Variants in TCAIM observed in about 807,000 individuals in gnomAD.
TCAIM encodes the protein T cell activation inhibitor, mitochondrial.
A neutral mutation model predicts 58.6 loss-of-function variants in TCAIM; 36 were observed. That is an observed-to-expected ratio of 0.61 (90% confidence interval 0.47 to 0.81). TCAIM has a LOEUF of 0.81. Ranked by LOEUF, TCAIM falls within the 30% of genes least tolerant of loss-of-function variation. The pLI, the probability that TCAIM is intolerant of heterozygous loss-of-function variation, is 0.00. For synonymous variants in TCAIM, 172 were observed against 193.6 expected (o/e 0.89, Z 0.93); for missense variants, 466 against 579.6 (o/e 0.80, Z 2.01).
intron 6 of TCAIM, among the ~76,000 whole-genome samples, chr3:44,394,680 G>A (rs932433161): frequency 5.3e-5 from 8 of 151,096 alleles, no homozygotes; most frequent in Non-Finnish European, 1.0e-4. Flanking sequence ...CAGATCACGA[G>A]GTCAGGAGTT....
chr3:44,345,595 A>G (rs1700950246), intron 1 of TCAIM, among the ~76,000 whole-genome samples: 1 of 152,150 alleles, frequency 6.6e-6, no homozygotes, highest in Admixed American at 6.5e-5. Context: ...ATACAAAGCC[A>G]GCAATTGTTT....
At chr3:44,344,671 C>T (rs530832498) in intron 1 of TCAIM, among the ~76,000 whole-genome samples, 14 of 152,100 alleles carry the variant, frequency 9.2e-5, no homozygotes, top group African/African-American at 2.9e-4. Context: ...CACACGCGTC[C>T]GTGTGAAGAG....
chr3:44,354,842 A>G, intron 2 of TCAIM, 31 bp downstream of exon 2: 14 of 1,603,272 alleles, frequency 8.7e-6, no homozygotes, highest in Non-Finnish European at 1.0e-5. Context: ...TGTAATTAGT[A>G]TTGTGGCGGG....
chr3:44,392,185 A>T (rs1302477420), intron 5 of TCAIM, among the ~76,000 whole-genome samples: 1 of 152,230 alleles, frequency 6.6e-6, no homozygotes, highest in Non-Finnish European at 1.5e-5. Flanking sequence ...ATGATTTGAC[A>T]GGTGTTGGCA....
At chr3:44,339,909 G>T (rs767042776) in intron 1 of TCAIM, 15 of 152,096 alleles carry the variant, frequency 9.9e-5, no homozygotes, top group African/African-American at 2.7e-4. Context: ...AATGCTTTAC[G>T]CAGGACCTGG....
At position 44,350,036 on chromosome 3, in the gene TCAIM, C is replaced by T. The variant is rs578223855; in HGVS notation, c.-44-4703C>T. 2.2e-4 allele frequency among the ~76,000 whole-genome samples: 34 copies of T among 152,238 alleles called. No individual in the cohort carries two copies. The South Asian group carries it at 6.8e-3, about 31-fold the overall frequency. The stretch of plus-strand genomic sequence containing the variant: ...GAGTCATAGCACCAAATGTCATGTG[C>T]GTCTGTGTGAAGAGACCACCAAACA... On this transcript the variant is annotated intron_variant, in intron 1 of 10. Transcript: ENST00000342649.
chr3:44,405,436 G>A (rs960758917), intron 10 of TCAIM, among the ~76,000 whole-genome samples: 1 of 152,130 alleles, frequency 6.6e-6, no homozygotes, highest in Non-Finnish European at 1.5e-5. Flanking sequence ...ACTTTGGGAG[G>A]CTAAGGCAGG....
chr3:44,400,402 G>A lies in TCAIM; in HGVS notation c.933G>A (p.Met311Ile), dbSNP rs1335168893. The A allele has an allele frequency of 1.2e-6, 2 of 1,613,624 alleles. No homozygotes were observed. Among genetic ancestry groups the A allele is most frequent in the Non-Finnish European group, 1.7e-6 (2 of 1,179,874 alleles). ...PSYFDLQRRLMILEDQISYLL... is the reference protein window; with the variant it reads ...PSYFDLQRRLIILEDQISYLL... ...ATTTTGACCTTCAGAGGAGGCTGAT[G>A]ATTTTAGAAGACCAAATAAGCTATC... Residue 311 changes from methionine to isoleucine, a missense_variant, in exon 9 of 11, where the codon ATG becomes ATA. Physicochemically the swap from Met to Ile is conservative, Grantham distance 10. Transcript: ENST00000342649.
rs1173694985 is a variant in TCAIM at position 44,338,809 on chromosome 3, C to G, written c.-70C>G. On this transcript the variant is annotated 5_prime_UTR_variant, in exon 1 of 11. Coordinates refer to ENST00000342649, the MANE Select transcript of TCAIM (RefSeq NM_173826.4). The stretch of plus-strand genomic sequence containing the variant: ...GGAGGTGGAACTAGTCGGACAAAGC[C>G]CTCGCGTCGGACCCTTGCCAGAACT... 2 of 152,274 alleles carry G rather than the reference C, an allele frequency of 1.3e-5. No homozygotes were observed. The highest frequency in any genetic ancestry group is 4.8e-5 in the African/African-American group (2 of 41,458). The allele number at this position is 152,274 out of a possible 1,614,324, so 9.4% of individuals were successfully genotyped here. A position where few individuals can be genotyped will look rare whatever the true frequency, so the allele number is the denominator to read the frequency against.
intron 1 of TCAIM, among the ~76,000 whole-genome samples, chr3:44,341,750 A>G (rs1387934271): frequency 6.6e-6 from 1 of 152,190 alleles, no homozygotes; most frequent in Non-Finnish European, 1.5e-5. Flanking sequence ...TTTATTTACT[A>G]AATGTGGCTA....
chr3:44,342,643 T>C (rs1249506983), intron 1 of TCAIM, among the ~76,000 whole-genome samples: 1 of 152,096 alleles, frequency 6.6e-6, no homozygotes, highest in African/African-American at 2.4e-5. Flanking sequence ...ACTAAACATC[T>C]GCTTCTTAAA....
chr3:44,396,698 T>C (rs1372703492), intron 7 of TCAIM, 45 bp from the exon 8 acceptor site: 1 of 1,591,836 alleles, frequency 6.3e-7, no homozygotes, highest in East Asian at 2.2e-5. Flanking sequence ...GCTGAAAGAA[T>C]GAAGCACCTC....
intron 5 of TCAIM, among the ~76,000 whole-genome samples, chr3:44,368,564 C>T (rs1043997086): frequency 4.6e-5 from 7 of 152,170 alleles, no homozygotes; most frequent in Non-Finnish European, 1.0e-4. Flanking sequence ...TATGTACCTA[C>T]GTGTGATAGT....
intron 5 of TCAIM, among the ~76,000 whole-genome samples, chr3:44,384,221 G>A (rs967041674): frequency 3.9e-5 from 6 of 152,170 alleles, no homozygotes; most frequent in Non-Finnish European, 8.8e-5. Flanking sequence ...GCAAATTCAG[G>A]CAGTAATGAT....
At chr3:44,367,841 C>T in intron 5 of TCAIM, 133 bp downstream of exon 5, 1 of 877,016 alleles carries the variant, frequency 1.1e-6, no homozygotes, top group Non-Finnish European at 1.7e-6. Context: ...CCTAATTTTC[C>T]AGGAAAAGTA....
At chr3:44,373,199 A>C (rs1701508048) in intron 5 of TCAIM, among the ~76,000 whole-genome samples, 1 of 152,044 alleles carries the variant, frequency 6.6e-6, no homozygotes, top group Non-Finnish European at 1.5e-5. Context: ...AAAAACACAA[A>C]ATGGGAGATT....
At chr3:44,357,359 GAGAA>G (rs1463110197) in intron 2 of TCAIM, among the ~76,000 whole-genome samples, 2 of 132,786 alleles carry the variant, frequency 1.5e-5, no homozygotes, top group East Asian at 2.3e-4. Context: ...GAAAAAAAGA[GAGAA>G]AGAGATAGAT....
At position 44,343,888 on chromosome 3, in the gene TCAIM, G is replaced by A. The variant is rs1700907192; in HGVS notation, c.-45+5054G>A. Among the ~76,000 whole-genome samples the A allele has an allele frequency of 1.3e-5, 2 of 152,018 alleles. 1 individual carries two copies. The highest frequency in any genetic ancestry group is 3.8e-4 in the East Asian group (2 of 5,196). ...TTCTAAGCACTAATGTCCTTTATTA[G>A]TCATTTCTCAGTAGTAGTTTAGTTA... is the stretch of plus-strand genomic sequence containing the variant. On this transcript the variant is annotated intron_variant, in intron 1 of 10. Transcript: ENST00000342649.
intron 5 of TCAIM, among the ~76,000 whole-genome samples, chr3:44,382,643 A>C (rs1328980747): frequency 1.3e-5 from 2 of 152,234 alleles, no homozygotes; most frequent in African/African-American, 4.8e-5. Flanking sequence ...AACTCTTAGA[A>C]GAAAACATAG....
Sources: gnomAD v4.1 joint callset for allele counts (sites outside exome capture counted in the v4.1 genomes callset) on GRCh38, gnomAD v4.1.1 for gene constraint, MANE v1.5 for transcripts, NCBI Gene and HGNC (gene_info 2026-07-23, HGNC 2026-07-21) for gene names.